The following CLEC2A variants were observed in gnomAD, a reference collection of about 807,000 sequenced individuals.
CLEC2A encodes the protein C-type lectin domain family 2 member A.
Under a neutral mutation model 18.6 loss-of-function variants are expected in CLEC2A, and 19 were observed. The observed-to-expected ratio is 1.02, with a 90% CI of 0.71 to 1.50. The LOEUF (loss-of-function observed/expected upper bound fraction) is 1.50. Ranked by LOEUF, CLEC2A falls within the 40% of genes most tolerant of loss-of-function variation. CLEC2A has a pLI of 0.00. For missense variants in CLEC2A, 190 were observed against 207.9 expected, an observed-to-expected ratio of 0.91 and a Z score of 0.53; for synonymous variants, 74 against 64.0, an observed-to-expected ratio of 1.16 and a Z score of -0.75.
At chr12:9,888,417 G>T in the CLEC2A span, among the ~76,000 whole-genome samples, 1 of 151,966 alleles carries the variant, frequency 6.6e-6, no homozygotes, top group Non-Finnish European at 1.5e-5. Flanking sequence ...GAGAACCTGG[G>T]AGTCGGAGCT....
chr12:9,904,914 A>G (rs934936549), intron 4 of CLEC2A, among the ~76,000 whole-genome samples: 5 of 152,164 alleles, frequency 3.3e-5, no homozygotes, highest in Admixed American at 6.5e-5. Flanking sequence ...CAGTCACCAC[A>G]GGGACTTTTT....
At chr12:9,892,122 A>G in the CLEC2A span, among the ~76,000 whole-genome samples, 380 of 152,338 alleles carry the variant, frequency 2.5e-3, 2 homozygotes, top group East Asian at 0.013. Flanking sequence ...AAATGTATCA[A>G]TTATGATATC....
At chr12:9,910,821 C>T (rs532790881), downstream of CLEC2A, among the ~76,000 whole-genome samples, 30 of 152,192 alleles carry the variant, frequency 2.0e-4, no homozygotes, top group East Asian at 3.9e-4. Context: ...CTGAGGCCAA[C>T]GCAACGAGAG....
chr12:9,881,296 G>A, the CLEC2A span, among the ~76,000 whole-genome samples: 394 of 152,152 alleles, frequency 2.6e-3, 3 homozygotes, highest in East Asian at 0.022. Context: ...CTAATACACC[G>A]CACACAAGTG....
chr12:9,915,546 C>G (rs1265203361), intron 4 of CLEC2A, among the ~76,000 whole-genome samples: 2 of 152,136 alleles, frequency 1.3e-5, no homozygotes, highest in Non-Finnish European at 2.9e-5. Context: ...AGTCCATGTT[C>G]TTTGCAGGGA....
intron 4 of CLEC2A, among the ~76,000 whole-genome samples, chr12:9,915,030 G>A (rs1863047838): frequency 6.6e-6 from 1 of 151,420 alleles, no homozygotes; most frequent in Admixed American, 6.6e-5. Context: ...ACATCAAAAA[G>A]TAGGCAAAGG....
the CLEC2A span, among the ~76,000 whole-genome samples, chr12:9,879,972 A>G: frequency 1.3e-5 from 2 of 152,142 alleles, no homozygotes; most frequent in African/African-American, 4.8e-5. Flanking sequence ...AACCATACCT[A>G]TGACCCGGGT....
At chr12:9,911,698 T>C (rs150824570), downstream of CLEC2A, among the ~76,000 whole-genome samples, 241 of 152,346 alleles carry the variant, frequency 1.6e-3, no homozygotes, top group African/African-American at 5.7e-3. Context: ...CAAGCACTTT[T>C]CTTTAGGACA....
chr12:9,892,535 CT>C, the CLEC2A span, among the ~76,000 whole-genome samples: 10 of 151,042 alleles, frequency 6.6e-5, no homozygotes, highest in Admixed American at 2.6e-4. Context: ...TGCCCGACTC[CT>C]GGAAATACAC....
At chr12:9,912,085 GA>G (rs143502158), downstream of CLEC2A, among the ~76,000 whole-genome samples, 23 of 150,498 alleles carry the variant, frequency 1.5e-4, no homozygotes, top group Admixed American at 2.6e-4. Context: ...CCTCTAAAAG[GA>G]AAAAAAAATG....
downstream of CLEC2A, among the ~76,000 whole-genome samples, chr12:9,896,185 T>C (rs1033242414): frequency 2.0e-5 from 3 of 152,192 alleles, no homozygotes; most frequent in African/African-American, 4.8e-5. Context: ...ATGTGGTAGA[T>C]TGGAAGGAAA....
exon 5 of CLEC2A, chr12:9,898,867 GT>G: frequency 1.4e-6 from 1 of 708,908 alleles, no homozygotes. Context: ...AGGGGACATT[GT>G]TTTGGGGAAA....
intron 4 of CLEC2A, among the ~76,000 whole-genome samples, chr12:9,903,642 G>A (rs1337256590): frequency 6.6e-6 from 1 of 152,110 alleles, no homozygotes; most frequent in African/African-American, 2.4e-5. Context: ...ATTTTCCCAA[G>A]CCATTTGGCT....
intron 3 of CLEC2A, among the ~76,000 whole-genome samples, chr12:9,920,121 G>C (rs1591793416): frequency 6.6e-6 from 1 of 152,220 alleles, no homozygotes; most frequent in East Asian, 1.9e-4. Flanking sequence ...GTTATTGATG[G>C]CTGGCTAGAA....
chr12:9,884,368 TATA>T, the CLEC2A span, among the ~76,000 whole-genome samples: 1 of 151,692 alleles, frequency 6.6e-6, no homozygotes, highest in Non-Finnish European at 1.5e-5. Context: ...CCCAGAAAAA[TATA>T]ATATATTACA....
the CLEC2A span, among the ~76,000 whole-genome samples, chr12:9,878,114 G>A: frequency 9.2e-6 from 1 of 108,618 alleles, no homozygotes; most frequent in African/African-American, 2.8e-5. Context: ...ACAAGACCCT[G>A]TCTGAAAAAA....
At chr12:9,897,733 T>C (rs1047147552), downstream of CLEC2A, among the ~76,000 whole-genome samples, 2 of 151,920 alleles carry the variant, frequency 1.3e-5, no homozygotes, top group Admixed American at 6.6e-5. Flanking sequence ...CCCCGGTCCA[T>C]TGTGGGCATG....
the CLEC2A span, among the ~76,000 whole-genome samples, chr12:9,887,724 GTTTTTTT>G: frequency 7.5e-6 from 1 of 133,534 alleles, no homozygotes; most frequent in African/African-American, 2.7e-5. Context: ...GGTCAAAAGA[GTTTTTTT>G]TTTTTTTTTT....
intron 4 of CLEC2A, among the ~76,000 whole-genome samples, chr12:9,902,309 C>T (rs1862841758): frequency 6.7e-6 from 1 of 150,012 alleles, no homozygotes; most frequent in Admixed American, 6.7e-5. Context: ...TCTCGGCTGA[C>T]TGCAACCTCT....
Sources: allele counts gnomAD v4.1 joint callset (sites outside exome capture counted in the v4.1 genomes callset), GRCh38; gene constraint gnomAD v4.1.1; transcripts MANE v1.5; gene names NCBI Gene and HGNC (gene_info 2026-07-23, HGNC 2026-07-21).